SIM2: variants seen among roughly 807,000 people sequenced by gnomAD.
The protein encoded by SIM2 is SIM bHLH transcription factor 2.
SIM2 carries 28 observed loss-of-function variants against 64.8 expected under a neutral mutation model. The ratio of observed to expected loss-of-function variants is 0.43; its 90% CI spans 0.32 to 0.59. SIM2 has a LOEUF of 0.59. SIM2 is among the 20% of genes least tolerant of loss of function. The probability of loss-of-function intolerance (pLI) is 0.07; values close to 1 mark genes in which losing one functional copy is unlikely to be tolerated. For synonymous variants in SIM2, 408 were observed against 391.1 expected (o/e 1.04, Z -0.51); for missense variants, 847 against 871.4 (o/e 0.97, Z 0.35).
intron 1 of SIM2, among the ~76,000 whole-genome samples, chr21:36,700,432 C>A (rs1359101560): frequency 2.7e-5 from 4 of 150,422 alleles, no homozygotes; most frequent in Non-Finnish European, 4.4e-5. Flanking sequence ...GGTTTGTTTT[C>A]TTTCCTTTTC....
intron 1 of SIM2, among the ~76,000 whole-genome samples, chr21:36,706,158 G>A (rs978742604): frequency 1.3e-5 from 2 of 152,228 alleles, no homozygotes; most frequent in African/African-American, 4.8e-5. Flanking sequence ...CTTGGAGGCC[G>A]TGCAGTGTGA....
At chr21:36,725,689 G>A (rs1222884139) in intron 5 of SIM2, among the ~76,000 whole-genome samples, 2 of 152,018 alleles carry the variant, frequency 1.3e-5, no homozygotes, top group African/African-American at 4.8e-5. Flanking sequence ...GCACAATCTC[G>A]GCTCACTGCA....
chr21:36,703,919 A>C (rs2088541852), intron 1 of SIM2, among the ~76,000 whole-genome samples: 1 of 152,260 alleles, frequency 6.6e-6, no homozygotes, highest in Non-Finnish European at 1.5e-5. Flanking sequence ...CTCCAGCACC[A>C]GACTCAGCAG....
chr21:36,713,866 T>C (rs2088709533), intron 3 of SIM2, among the ~76,000 whole-genome samples: 1 of 152,260 alleles, frequency 6.6e-6, no homozygotes, highest in African/African-American at 2.4e-5. Flanking sequence ...ATGAATTACA[T>C]ATTAAAATGA....
chr21:36,745,490 T>C lies in SIM2; in HGVS notation c.1576+354T>C. The stretch of plus-strand genomic sequence containing the variant: ...GAGAACACCCCAGCTGCATTTCTTT[T>C]GCAAGATTCCTTTCCACTCCAACCA... On this transcript the variant is annotated intron_variant, in intron 10 of 10. Transcript: ENST00000290399. This position sits in a 1 kb window ranked among gnomAD's most constrained non-coding sequence, Gnocchi z 4.8. 1 of 1,160,866 alleles carries C rather than the reference T, an allele frequency of 8.6e-7. No individual in the cohort carries two copies. The highest frequency in any genetic ancestry group is 2.2e-5 in the South Asian group (1 of 46,276). 71.9% of individuals were successfully genotyped at this position (1,160,866 alleles called of 1,614,324 possible).
chr21:36,741,641 G>C (rs2089159739), intron 7 of SIM2, 76 bp from the exon 8 acceptor site: 2 of 1,540,228 alleles, frequency 1.3e-6, no homozygotes, highest in Middle Eastern at 2.3e-4. Flanking sequence ...TTGGGACAGA[G>C]GTCACCGTTG....
chr21:36,704,320 G>A (rs2088548599), intron 1 of SIM2, among the ~76,000 whole-genome samples: 1 of 152,250 alleles, frequency 6.6e-6, no homozygotes, highest in Admixed American at 6.5e-5. Context: ...GAGATGTGAG[G>A]CAATTCTCTA....
At chr21:36,743,705 C>T (rs2089193390) in intron 9 of SIM2, 150 bp downstream of exon 9, 1 of 735,372 alleles carries the variant, frequency 1.4e-6, no homozygotes, top group African/African-American at 1.8e-5. Context: ...CTTGCCTACA[C>T]AGTAGTGACA....
At chr21:36,709,296 C>T (rs775502905) in intron 2 of SIM2, 46 bp downstream of exon 2, 3 of 1,457,588 alleles carry the variant, frequency 2.1e-6, no homozygotes, top group South Asian at 2.4e-5. Flanking sequence ...CGCAGGCTCC[C>T]TTCCCACCCC....
rs200755165 is a variant in SIM2, at chr21:36,745,173, T to C, written c.1576+37T>C. The C allele has an allele frequency of 7.6e-6, 12 of 1,582,174 alleles. No individual in the cohort carries two copies. In the East Asian group the frequency reaches 2.8e-4, roughly 36 times the overall value. ...CTGCTCGTGGGGAAGGTGGGAGGACTGCGCACGGCCGGGAGCCGAAGCAGC... is the reference window on the plus strand; with the variant it reads ...CTGCTCGTGGGGAAGGTGGGAGGACCGCGCACGGCCGGGAGCCGAAGCAGC... On this transcript the variant is annotated intron_variant, in intron 10 of 10. Coordinates refer to ENST00000290399, the MANE Select transcript of SIM2 (RefSeq NM_005069.6). The surrounding 1 kb of genome is among the most constrained non-coding windows in gnomAD (Gnocchi z 4.8).
rs575993553 is a variant in SIM2 at position 36,749,684 on chromosome 21, A to T, written c.*1592A>T. 107 of 152,268 alleles carry T rather than the reference A, an allele frequency of 7.0e-4. No individual in the cohort carries two copies. Among genetic ancestry groups the T allele is most frequent in the African/African-American group, 2.4e-3 (101 of 41,546 alleles). The allele number at this position is 152,268 out of a possible 1,614,324, so 9.4% of individuals were successfully genotyped here. On this transcript the variant is annotated 3_prime_UTR_variant, in exon 11 of 11. Coordinates refer to ENST00000290399, the MANE Select transcript of SIM2 (RefSeq NM_005069.6). ...TGTGCACAGGAAATAAGCCGAGGGT[A>T]TTATTTTTTTATGTTCATGAGTCTT...
At chr21:36,707,969 C>CT (rs1555873973) in intron 1 of SIM2, among the ~76,000 whole-genome samples, 3 of 12,630 alleles carry the variant, frequency 2.4e-4, no homozygotes, top group African/African-American at 7.6e-4. Context: ...CTGGGCCTGG[C>CT]CCAGCGTGGG....
chr21:36,699,911 C>T lies in SIM2; in HGVS notation c.165C>T (p.Val55=). The change falls in exon 1 of 11, where the codon GTC becomes GTT. Residue 55 remains valine, a synonymous_variant. Transcript: ENST00000290399. This position sits in a 1 kb window ranked among gnomAD's most constrained non-coding sequence, Gnocchi z 5.6. ...LTTSYLKMRA[V]FPEGLGDAWG... is the part of the protein sequence containing the mutation. The stretch of plus-strand genomic sequence containing the variant: ...CGAGCTACCTGAAGATGCGCGCCGT[C>T]TTCCCCGAAGGTGAGGCCTCAGGTG... The T allele has an allele frequency of 6.2e-7, 1 of 1,601,462 alleles. No individual in the cohort carries two copies. Among genetic ancestry groups the T allele is most frequent in the Non-Finnish European group, 8.5e-7 (1 of 1,174,272 alleles).
At chr21:36,717,531 T>G (rs1446698346) in intron 3 of SIM2, among the ~76,000 whole-genome samples, 1 of 150,658 alleles carries the variant, frequency 6.6e-6, no homozygotes, top group African/African-American at 2.4e-5. Context: ...TACTGCAAAC[T>G]GCGCCTCCCG....
intron 1 of SIM2, among the ~76,000 whole-genome samples, chr21:36,701,889 G>A (rs1253639696): frequency 3.3e-5 from 5 of 152,346 alleles, no homozygotes; most frequent in Admixed American, 2.6e-4. Flanking sequence ...CGGACGAGAG[G>A]GCACTCACTG....
chr21:36,708,063 G>A (rs1178113393), intron 1 of SIM2, among the ~76,000 whole-genome samples: 1 of 152,214 alleles, frequency 6.6e-6, no homozygotes, highest in African/African-American at 2.4e-5. Context: ...CTCGTGGGCC[G>A]GGAGACGCCG....
chr21:36,704,627 G>C (rs2088553409), intron 1 of SIM2, among the ~76,000 whole-genome samples: 1 of 152,218 alleles, frequency 6.6e-6, no homozygotes, highest in Non-Finnish European at 1.5e-5. Flanking sequence ...GGGAGCCTCC[G>C]GGCGGCTGTG....
chr21:36,727,788 T>C (rs1199559624), intron 6 of SIM2, among the ~76,000 whole-genome samples: 1 of 152,222 alleles, frequency 6.6e-6, no homozygotes, highest in Non-Finnish European at 1.5e-5. Flanking sequence ...TCTTTTTCAC[T>C]TTTTAAAGTT....
chr21:36,707,065 G>A (rs2088594594), intron 1 of SIM2, among the ~76,000 whole-genome samples: 1 of 152,134 alleles, frequency 6.6e-6, no homozygotes, highest in Non-Finnish European at 1.5e-5. Flanking sequence ...TCCCGCCATG[G>A]GCTTTGCAAG....
Sources: allele counts gnomAD v4.1 joint callset (sites outside exome capture counted in the v4.1 genomes callset), GRCh38; gene constraint gnomAD v4.1.1; non-coding constraint Gnocchi (gnomAD v3.1); transcripts MANE v1.5; gene names NCBI Gene and HGNC (gene_info 2026-07-23, HGNC 2026-07-21).